LRRC57: variants seen among roughly 807,000 people sequenced by gnomAD.
LRRC57 encodes the protein leucine rich repeat containing 57.
Under a neutral mutation model 23.1 loss-of-function variants are expected in LRRC57, and 14 were observed. The ratio of observed to expected loss-of-function variants is 0.61; its 90% confidence interval spans 0.40 to 0.95. LRRC57 has a LOEUF of 0.95. LRRC57 is among the 40% of genes least tolerant of loss of function. LRRC57 has a pLI of 0.00. For missense variants in LRRC57, 236 were observed against 284.4 expected (o/e 0.83, Z 1.22); for synonymous variants, 106 against 115.2 (o/e 0.92, Z 0.51).
At chr15:42,544,223 GT>G in intron 5 of LRRC57, 99 bp from the exon 6 acceptor site, 1 of 905,966 alleles carries the variant, frequency 1.1e-6, no homozygotes, top group East Asian at 2.5e-5. Context: ...ATTGCATGTG[GT>G]TTTTCATTTC....
At position 42,546,176 on chromosome 15, in the gene LRRC57, G is replaced by A. The variant is rs985011976; in HGVS notation, c.493-914C>T. 5.3e-5 allele frequency among the ~76,000 whole-genome samples: 8 copies of A among 152,218 alleles called. 1 individual carries two copies. Among genetic ancestry groups the A allele is most frequent in the Admixed American group, 3.9e-4 (6 of 15,278 alleles). Reference sequence around the variant, plus strand: ...GACCATCACTTATTAGAAATCATGGGAACTTTAATAAGTTCAATAACTAGC... The same window carrying A: ...GACCATCACTTATTAGAAATCATGGAAACTTTAATAAGTTCAATAACTAGC... On this transcript the variant is annotated intron_variant, in intron 4 of 5. Coordinates refer to ENST00000397130, the MANE Select transcript of LRRC57 (RefSeq NM_153260.3).
the LRRC57 span, chr15:42,529,806 G>A: frequency 5.6e-6 from 9 of 1,611,580 alleles, no homozygotes; most frequent in East Asian, 4.5e-5. Flanking sequence ...CAAATAAAAC[G>A]AATCACAGAC....
chr15:42,531,399 T>C, the LRRC57 span: 1 of 1,529,938 alleles, frequency 6.5e-7, no homozygotes, highest in South Asian at 1.3e-5. Flanking sequence ...GCTGATATCT[T>C]TCTTGTTTTT....
At chr15:42,537,248 C>CACACACACAT (rs2057605139), downstream of LRRC57, among the ~76,000 whole-genome samples, 1 of 149,546 alleles carries the variant, frequency 6.7e-6, no homozygotes, top group African/African-American at 2.5e-5. Context: ...CACACACACA[C>CACACACACAT]ACACACACAC....
rs140115403 is a variant in LRRC57, at chr15:42,540,900, CGCCT to C, written c.*3179_*3182del. ...AAAATTAGCAGGGCGTGGTGGCGTG[CGCCT>C]GCCTGTAGTACCAGCTACTCAGGAG... is the stretch of plus-strand genomic sequence containing the variant. On this transcript the variant is annotated 3_prime_UTR_variant, in exon 6 of 6. Transcript: ENST00000397130. The C allele has an allele frequency of 0.047, 7,092 of 151,834 alleles. 538 individuals carry two copies. The highest frequency in any genetic ancestry group is 0.16 in the African/African-American group (6,567 of 41,320). 9.4% of individuals were successfully genotyped at this position (151,834 alleles called of 1,614,324 possible). A position where few individuals can be genotyped will look rare whatever the true frequency, so the allele number is the denominator to read the frequency against.
downstream of LRRC57, among the ~76,000 whole-genome samples, chr15:42,537,386 T>G (rs2057606240): frequency 6.6e-6 from 1 of 152,002 alleles, no homozygotes; most frequent in Non-Finnish European, 1.5e-5. Context: ...TTATCAAAAG[T>G]GAGAAAATGC....
intron 5 of LRRC57, among the ~76,000 whole-genome samples, 165 bp downstream of exon 5, chr15:42,544,912 A>C (rs1160979744): frequency 1.3e-5 from 2 of 151,184 alleles, no homozygotes; most frequent in Admixed American, 6.6e-5. Flanking sequence ...TCTATAGAGA[A>C]AAAGTCATCT....
At chr15:42,536,326 G>T (rs1302658423), downstream of LRRC57, among the ~76,000 whole-genome samples, 1 of 152,188 alleles carries the variant, frequency 6.6e-6, no homozygotes, top group Non-Finnish European at 1.5e-5. Flanking sequence ...AGTAAAATGA[G>T]GTATGCCTAT....
At chr15:42,528,431 T>C in the LRRC57 span, 3 of 1,613,758 alleles carry the variant, frequency 1.9e-6, no homozygotes, top group Non-Finnish European at 2.5e-6. Context: ...GTATGCCAAC[T>C]CCTCCTGATA....
intron 4 of LRRC57, 98 bp downstream of exon 4, chr15:42,547,163 C>G: frequency 7.5e-7 from 1 of 1,329,116 alleles, no homozygotes; most frequent in South Asian, 1.4e-5. Flanking sequence ...TGATACTTAG[C>G]TCTATGATGG....
downstream of LRRC57, among the ~76,000 whole-genome samples, chr15:42,534,375 C>T (rs926659185): frequency 6.6e-6 from 1 of 152,100 alleles, no homozygotes; most frequent in African/African-American, 2.4e-5. Context: ...GTGATCTACC[C>T]GCCTCTGCCT....
chr15:42,546,396 GT>G (rs147589481), intron 4 of LRRC57, among the ~76,000 whole-genome samples: 67 of 149,960 alleles, frequency 4.5e-4, no homozygotes, highest in African/African-American at 6.1e-4. Flanking sequence ...AATTGATTCA[GT>G]TTTTTTTTTC....
chr15:42,545,125 G>A lies in LRRC57; in HGVS notation c.630C>T (p.Gly210=), dbSNP rs867827960. 1 of 1,608,034 alleles carries A rather than the reference G, an allele frequency of 6.2e-7. No homozygotes were observed. Among genetic ancestry groups the A allele is most frequent in the Non-Finnish European group, 8.5e-7 (1 of 1,177,496 alleles). The change falls in exon 5 of 6, where the codon GGC becomes GGT. Residue 210 remains glycine (G), a synonymous_variant. Transcript: ENST00000397130. ...DSQICLLAVE[G]NLFEIKKLRE... is the part of the protein sequence containing the mutation. ...GAAGTTTCTTTATTTCAAAAAGATT[G>A]CCTTCCACAGCAAGCAGACAGATCT...
At chr15:42,534,800 T>G (rs2141569636), downstream of LRRC57, among the ~76,000 whole-genome samples, 1 of 152,366 alleles carries the variant, frequency 6.6e-6, no homozygotes. Context: ...AGTAAGATTT[T>G]GAAAAGAATA....
In LRRC57 at chr15:42,543,215, T is replaced by C. The variant is rs1477316399; in HGVS notation, c.*868A>G. On this transcript the variant is annotated 3_prime_UTR_variant, in exon 6 of 6. Transcript: ENST00000397130. ...AAAAAATTATTTTTTATTTTTTTAA[T>C]TTGAGACAGAGTCTCACTCTGTCAC... The C allele has an allele frequency of 6.6e-6, 1 of 151,114 alleles. No homozygotes were observed. The highest frequency in any genetic ancestry group is 1.5e-5 in the Non-Finnish European group (1 of 67,872). 9.4% of individuals were successfully genotyped at this position (151,114 alleles called of 1,614,324 possible).
rs970870351 is a variant in LRRC57, at chr15:42,542,467, G to A, written c.*1616C>T. On this transcript the variant is annotated 3_prime_UTR_variant, in exon 6 of 6. Coordinates refer to ENST00000397130, the MANE Select transcript of LRRC57 (RefSeq NM_153260.3). ...ACATGTCTTCCTAATCTATTTATAG[G>A]TTTAAGTTCTCCTGTCCTCCTCCTT... 11 of 152,334 alleles carry A rather than the reference G, an allele frequency of 7.2e-5. No homozygotes were observed. The highest frequency in any genetic ancestry group is 2.4e-4 in the African/African-American group (10 of 41,430). The allele number at this position is 152,334 out of a possible 1,614,324, so 9.4% of individuals were successfully genotyped here.
the LRRC57 span, chr15:42,532,657 CA>C: frequency 6.6e-6 from 1 of 152,514 alleles, no homozygotes; most frequent in African/African-American, 2.4e-5. Context: ...AAAAGTTTGA[CA>C]AAGCATACCA....
At chr15:42,535,014 C>A (rs966525969), downstream of LRRC57, among the ~76,000 whole-genome samples, 2 of 152,176 alleles carry the variant, frequency 1.3e-5, no homozygotes, top group African/African-American at 4.8e-5. Context: ...GCTCTATTAG[C>A]CTCTAACAAG....
chr15:42,548,579 A>C (rs1007770255), intron 1 of LRRC57, 114 bp downstream of exon 1: 36 of 770,916 alleles, frequency 4.7e-5, no homozygotes, highest in Non-Finnish European at 7.4e-5. Flanking sequence ...CAAGAGCGAC[A>C]AGGAAGAAAC....
Sources: gnomAD v4.1 joint callset for allele counts (sites outside exome capture counted in the v4.1 genomes callset) on GRCh38, gnomAD v4.1.1 for gene constraint, MANE v1.5 for transcripts, NCBI Gene and HGNC (gene_info 2026-07-23, HGNC 2026-07-21) for gene names.